CNOT4: variants seen among roughly 807,000 people sequenced by gnomAD.
CNOT4 encodes CCR4-associated factor 4.
CNOT4 carries 8 observed loss-of-function variants against 73.8 expected under a neutral mutation model. That is an observed-to-expected ratio of 0.11 (90% confidence interval 0.06 to 0.20). The LOEUF is 0.20. CNOT4 is among the 10% of genes least tolerant of loss of function. The pLI, the probability that CNOT4 is intolerant of heterozygous loss-of-function variation, is 1.00. For synonymous variants in CNOT4, 293 were observed against 321.1 expected (o/e 0.91, Z 0.94); for missense variants, 564 against 883.4 (o/e 0.64, Z 4.58).
chr7:135,378,430 G>A (rs991393140), intron 10 of CNOT4, among the ~76,000 whole-genome samples: 4 of 152,056 alleles, frequency 2.6e-5, no homozygotes, highest in African/African-American at 9.7e-5. Context: ...CTTGAACCTG[G>A]GAGGCAGAGG....
At chr7:135,431,983 C>G (rs1798876444) in intron 2 of CNOT4, among the ~76,000 whole-genome samples, 1 of 152,126 alleles carries the variant, frequency 6.6e-6, no homozygotes, top group South Asian at 2.1e-4. Context: ...TCCCAGTAGG[C>G]TTTTTGTTGA....
chr7:135,380,792 C>T (rs557229139), intron 10 of CNOT4, among the ~76,000 whole-genome samples: 6 of 152,320 alleles, frequency 3.9e-5, no homozygotes, highest in Admixed American at 3.3e-4. Flanking sequence ...AATCACAATC[C>T]TTCGGAGCCT....
intron 2 of CNOT4, among the ~76,000 whole-genome samples, chr7:135,434,159 A>G (rs1042578034): frequency 6.6e-6 from 1 of 152,164 alleles, no homozygotes; most frequent in African/African-American, 2.4e-5. Context: ...GTTGGGTTAC[A>G]TGTAAATGGC....
At chr7:135,456,323 C>A (rs1585672645) in intron 1 of CNOT4, among the ~76,000 whole-genome samples, 1 of 152,144 alleles carries the variant, frequency 6.6e-6, no homozygotes, top group African/African-American at 2.4e-5. Flanking sequence ...CAGTGGGATG[C>A]AGTTTACCAA....
intron 10 of CNOT4, among the ~76,000 whole-genome samples, chr7:135,372,397 C>T (rs1304163857): frequency 6.6e-6 from 1 of 152,162 alleles, no homozygotes; most frequent in African/African-American, 2.4e-5. Context: ...GTATTGCAAT[C>T]ATTTGTTTAC....
intron 10 of CNOT4, among the ~76,000 whole-genome samples, chr7:135,383,570 T>C (rs1055968556): frequency 6.6e-6 from 1 of 152,224 alleles, no homozygotes; most frequent in Non-Finnish European, 1.5e-5. Flanking sequence ...CTTCCATGCT[T>C]TCTACAATTC....
intron 10 of CNOT4, chr7:135,386,417 A>G (rs1796123935): frequency 6.6e-6 from 1 of 152,152 alleles, no homozygotes; most frequent in South Asian, 2.1e-4. Context: ...AACAACAACA[A>G]CAAAAAAAAC....
chr7:135,477,361 A>C (rs1802062534), intron 1 of CNOT4, among the ~76,000 whole-genome samples: 1 of 152,064 alleles, frequency 6.6e-6, no homozygotes. Context: ...AAAAAAATTA[A>C]TTTTACTTTT....
At chr7:135,378,608 A>G (rs1563013819) in intron 10 of CNOT4, among the ~76,000 whole-genome samples, 2 of 152,242 alleles carry the variant, frequency 1.3e-5, no homozygotes, top group Non-Finnish European at 2.9e-5. Flanking sequence ...TTGGGCAGAT[A>G]GAGGGTCTGC....
rs191150538 is a variant in CNOT4, at chr7:135,410,885, T to A, written c.688-237A>T. Reference sequence around the variant, plus strand: ...CATTCCAACAAAATTATATGATATATATCTGATAAATTAAATTAAGGCATT... The same window carrying A: ...CATTCCAACAAAATTATATGATATAAATCTGATAAATTAAATTAAGGCATT... On this transcript the variant is annotated intron_variant, in intron 6 of 11. Coordinates refer to ENST00000541284, the MANE Select transcript of CNOT4 (RefSeq NM_001190850.2). Among the ~76,000 whole-genome samples the A allele has an allele frequency of 1.3e-3, 205 of 151,912 alleles. 1 individual carries two copies. The highest frequency in any genetic ancestry group is 4.6e-3 in the African/African-American group (190 of 41,540).
chr7:135,486,965 G>A (rs1802760188), intron 1 of CNOT4, among the ~76,000 whole-genome samples: 1 of 152,056 alleles, frequency 6.6e-6, no homozygotes, highest in African/African-American at 2.4e-5. Context: ...TTAACAAGCA[G>A]TAAAATTTTT....
intron 1 of CNOT4, among the ~76,000 whole-genome samples, chr7:135,473,392 A>G (rs1212023393): frequency 1.3e-5 from 2 of 152,184 alleles, no homozygotes; most frequent in African/African-American, 4.8e-5. Context: ...AAACTAATAA[A>G]CATGACAGTT....
intron 1 of CNOT4, among the ~76,000 whole-genome samples, chr7:135,487,894 A>G (rs1802836682): frequency 6.6e-6 from 1 of 152,070 alleles, no homozygotes; most frequent in Admixed American, 6.6e-5. Flanking sequence ...TCTACTAAAA[A>G]TACAAAAACA....
chr7:135,407,741 C>T (rs1462019810), intron 7 of CNOT4, among the ~76,000 whole-genome samples: 1 of 152,112 alleles, frequency 6.6e-6, no homozygotes, highest in Non-Finnish European at 1.5e-5. Flanking sequence ...GCCCAGGCTG[C>T]TCTCGAACTC....
intron 2 of CNOT4, among the ~76,000 whole-genome samples, chr7:135,422,680 T>C (rs1306745340): frequency 6.6e-6 from 1 of 152,202 alleles, no homozygotes; most frequent in East Asian, 1.9e-4. Context: ...TCTAAGGTGC[T>C]ATGTAAGAGG....
intron 1 of CNOT4, among the ~76,000 whole-genome samples, chr7:135,442,568 C>T (rs532846333): frequency 2.7e-4 from 41 of 152,254 alleles, no homozygotes; most frequent in African/African-American, 9.4e-4. Flanking sequence ...CACTGCACTG[C>T]AGCCTGGGCA....
In CNOT4 at chr7:135,495,038, G is replaced by A. The variant is rs146007556; in HGVS notation, c.-93+14851C>T. Among the ~76,000 whole-genome samples, 683 of 152,246 alleles carry A rather than the reference G, an allele frequency of 4.5e-3. 12 individuals are homozygous for A. The highest frequency in any genetic ancestry group is 0.016 in the African/African-American group (657 of 41,538). On this transcript the variant is annotated intron_variant, in intron 1 of 11. Coordinates refer to ENST00000541284, the MANE Select transcript of CNOT4 (RefSeq NM_001190850.2). ...TCCTCACAATAGATCTATGAAATAG[G>A]TGTTCCTTTTGCCTCAATTTTACAA... is the stretch of plus-strand genomic sequence containing the variant.
chr7:135,382,273 T>G (rs548447990), intron 10 of CNOT4, among the ~76,000 whole-genome samples: 84 of 152,146 alleles, frequency 5.5e-4, no homozygotes, highest in Non-Finnish European at 1.1e-3. Context: ...CAAGAGTGAT[T>G]CTTTGGAAAT....
At chr7:135,467,477 G>T (rs1801292768) in intron 1 of CNOT4, among the ~76,000 whole-genome samples, 1 of 152,124 alleles carries the variant, frequency 6.6e-6, no homozygotes, top group Admixed American at 6.6e-5. Context: ...TTGGGAGGCT[G>T]AGATGAAAAA....
Sources: allele counts gnomAD v4.1 joint callset (sites outside exome capture counted in the v4.1 genomes callset), GRCh38; gene constraint gnomAD v4.1.1; transcripts MANE v1.5; gene names NCBI Gene and HGNC (gene_info 2026-07-23, HGNC 2026-07-21).